Variants in GOLM1 observed in about 807,000 individuals in gnomAD.
GOLM1 encodes golgi membrane protein 1.
A neutral mutation model predicts 50.5 loss-of-function variants in GOLM1; 31 were observed. That is an observed-to-expected ratio of 0.61 (90% CI 0.46 to 0.83). The LOEUF is 0.83. Among genes scored for constraint, GOLM1 ranks in the 40% least tolerant of loss-of-function variants. GOLM1 has a pLI of 0.00. For missense variants in GOLM1, 491 were observed against 501.3 expected (o/e 0.98, Z 0.20); for synonymous variants, 178 against 192.8 (o/e 0.92, Z 0.64).
At chr9:86,080,675 A>G (rs1472128518) in intron 1 of GOLM1, among the ~76,000 whole-genome samples, 1 of 152,172 alleles carries the variant, frequency 6.6e-6, no homozygotes, top group Non-Finnish European at 1.5e-5. Context: ...ATAAAGAAGC[A>G]ATCTAGCCGA....
chr9:86,049,656 A>G (rs1295189085), intron 4 of GOLM1, among the ~76,000 whole-genome samples: 1 of 152,084 alleles, frequency 6.6e-6, no homozygotes, highest in South Asian at 2.1e-4. Flanking sequence ...TTCACTCATG[A>G]TTTGGCTGTT....
chr9:86,039,700 G>T (rs540594114), intron 6 of GOLM1, among the ~76,000 whole-genome samples: 7 of 152,268 alleles, frequency 4.6e-5, no homozygotes, highest in African/African-American at 1.7e-4. Flanking sequence ...GGGCGTGGTG[G>T]CTCACGCCTG....
chr9:86,042,625 A>G (rs1424411319), intron 5 of GOLM1, among the ~76,000 whole-genome samples: 1 of 152,230 alleles, frequency 6.6e-6, no homozygotes, highest in Non-Finnish European at 1.5e-5. Context: ...CAGGTGGTAG[A>G]TTAGTGCACA....
chr9:86,036,549 G>A (rs780626883), intron 6 of GOLM1, 42 bp from the exon 7 acceptor site: 2 of 1,599,702 alleles, frequency 1.3e-6, no homozygotes, highest in Non-Finnish European at 1.7e-6. Flanking sequence ...GCAGGGCTCT[G>A]TGAACAGAAG....
At chr9:86,033,167 T>G (rs574234900) in intron 9 of GOLM1, 115 bp downstream of exon 9, 37 of 662,178 alleles carry the variant, frequency 5.6e-5, no homozygotes, top group Non-Finnish European at 9.7e-5. Flanking sequence ...ACGATCTCCT[T>G]GAAATGACCC....
rs1241409310 is a variant in GOLM1 at position 86,027,876 on chromosome 9, G to A, written c.1147C>T (p.Gln383Ter). 2 of 1,600,238 alleles carry A rather than the reference G, an allele frequency of 1.2e-6. No homozygotes were observed. Among genetic ancestry groups the A allele is most frequent in the South Asian group, 2.2e-5 (2 of 90,708 alleles). The change falls in exon 10 of 10, where the codon CAG becomes TAG. Residue 383 changes from glutamine to a stop codon, truncating the protein, a stop_gained. Coordinates refer to ENST00000388712, the MANE Select transcript of GOLM1 (RefSeq NM_016548.4). LOFTEE classifies it high-confidence loss of function. ...RNIDVFNVEDQKRDTINLLDQ... is the reference protein window; with the variant it reads ...RNIDVFNVED ...AGTAAATTTATGGTGTCTCTTTTCT[G>A]ATCTTCAACATTAAAAACTAAAAAG... is the stretch of plus-strand genomic sequence containing the variant.
At chr9:86,069,730 C>T (rs1834395475) in intron 3 of GOLM1, among the ~76,000 whole-genome samples, 1 of 152,196 alleles carries the variant, frequency 6.6e-6, no homozygotes, top group Non-Finnish European at 1.5e-5. Context: ...AGCAATGACA[C>T]CTGCCATTTT....
chr9:86,035,314 G>A (rs1396238610), intron 8 of GOLM1, 54 bp downstream of exon 8: 2 of 1,588,396 alleles, frequency 1.3e-6, no homozygotes, highest in Non-Finnish European at 1.7e-6. Context: ...ATGGAGGTGG[G>A]CTGGGTGTCT....
In GOLM1 at chr9:86,026,980, T is replaced by A. The variant is rs541662216; in HGVS notation, c.*837A>T. The A allele has an allele frequency of 1.0e-4, 100 of 985,468 alleles. No homozygotes were observed. In the African/African-American group the frequency reaches 1.7e-3, roughly 17 times the overall value. 61.0% of individuals were successfully genotyped at this position (985,468 alleles called of 1,614,324 possible). ...TGTCCACAACAAACTTGCCCTCTCA[T>A]GCCTTGCCTCTCACCATGCTCTGCT... On this transcript the variant is annotated 3_prime_UTR_variant, in exon 10 of 10. Transcript: ENST00000388712.
chr9:86,028,600 G>A (rs969435431), intron 9 of GOLM1, among the ~76,000 whole-genome samples: 3 of 152,324 alleles, frequency 2.0e-5, no homozygotes, highest in East Asian at 3.9e-4. Context: ...AAGGCAGAGG[G>A]TCTAATTGAA....
chr9:86,090,853 C>T (rs1367613530), intron 1 of GOLM1, among the ~76,000 whole-genome samples: 1 of 151,110 alleles, frequency 6.6e-6, no homozygotes, highest in African/African-American at 2.4e-5. Flanking sequence ...AATGGCCGCC[C>T]AGTTTTGTGC....
At chr9:86,035,314 G>C (rs1396238610) in intron 8 of GOLM1, 54 bp downstream of exon 8, 4 of 1,588,514 alleles carry the variant, frequency 2.5e-6, no homozygotes, top group Non-Finnish European at 2.6e-6. Context: ...ATGGAGGTGG[G>C]CTGGGTGTCT....
At chr9:86,073,636 C>T (rs1274404791) in intron 3 of GOLM1, among the ~76,000 whole-genome samples, 4 of 152,188 alleles carry the variant, frequency 2.6e-5, no homozygotes, top group Non-Finnish European at 5.9e-5. Context: ...CAAGGAACCA[C>T]AGGAGACTCA....
rs749945176 is a variant in GOLM1, at chr9:86,040,830, T to C, written c.506A>G (p.Gln169Arg). 1 of 1,613,496 alleles carries C rather than the reference T, an allele frequency of 6.2e-7. No individual in the cohort carries two copies. The highest frequency in any genetic ancestry group is 1.3e-5 in the African/African-American group (1 of 74,868). The change falls in exon 6 of 10, where the codon CAG (glutamine) becomes CGG (arginine). Residue 169 changes from glutamine to arginine, a missense_variant. Transcript: ENST00000388712. The stretch of plus-strand genomic sequence containing the variant: ...GACCTCTTCTATTCGCTCCTCACAC[T>C]GTTCCTTCACCTCCTTCATCTGATT... ...CINQMKEVKE[Q>R]CEERIEEVTK...
At chr9:86,076,446 A>AAAAAAAAAAAAAAAAAAT (rs1834617492) in intron 3 of GOLM1, among the ~76,000 whole-genome samples, 1 of 150,124 alleles carries the variant, frequency 6.7e-6, no homozygotes, top group Admixed American at 6.7e-5. Context: ...AAAAAAAAAA[A>AAAAAAAAAAAAAAAAAAT]AAAAAAAAGC....
rs151049504 is a variant in GOLM1, at chr9:86,040,735, T to G, written c.597+4A>C. Reference sequence around the variant, plus strand: ...GAAACTCTTGGCAAAAATTCCCCAGTTACCTGCTGTCTCTGGTCGTTGTTT... The same window carrying G: ...GAAACTCTTGGCAAAAATTCCCCAGGTACCTGCTGTCTCTGGTCGTTGTTT... On this transcript the variant is annotated splice_donor_region_variant and intron_variant, in intron 6 of 9. Coordinates refer to ENST00000388712, the MANE Select transcript of GOLM1 (RefSeq NM_016548.4). 4.3e-4 allele frequency: 696 copies of G among 1,607,390 alleles called. 1 individual carries two copies. In the African/African-American group the frequency reaches 5.9e-3, roughly 14 times the overall value.
chr9:86,091,141 G>C (rs924457816), intron 1 of GOLM1, among the ~76,000 whole-genome samples: 1 of 152,190 alleles, frequency 6.6e-6, no homozygotes, highest in Admixed American at 6.5e-5. Flanking sequence ...TGGAAATGCA[G>C]AAATCACCTG....
chr9:86,074,400 G>A (rs950520485), intron 3 of GOLM1, among the ~76,000 whole-genome samples: 2 of 152,176 alleles, frequency 1.3e-5, no homozygotes, highest in African/African-American at 4.8e-5. Context: ...AGTCTTTAAT[G>A]CAGACAAAGG....
intron 3 of GOLM1, among the ~76,000 whole-genome samples, chr9:86,056,606 A>C (rs556805266): frequency 6.6e-6 from 1 of 151,600 alleles, no homozygotes; most frequent in Non-Finnish European, 1.5e-5. Flanking sequence ...CCCGGGTTCA[A>C]GCAATTCCCC....
Sources: allele counts gnomAD v4.1 joint callset (sites outside exome capture counted in the v4.1 genomes callset), GRCh38; gene constraint gnomAD v4.1.1; transcripts MANE v1.5; gene names NCBI Gene and HGNC (gene_info 2026-07-23, HGNC 2026-07-21).